The following TMOD1 variants were observed in gnomAD, a reference collection of about 807,000 sequenced individuals.
TMOD1 encodes the protein tropomodulin 1, also known as tropomodulin-1.
In TMOD1, 17 loss-of-function variants were observed where a neutral mutation model predicts 40.6. The ratio of observed to expected loss-of-function variants is 0.42; its 90% CI spans 0.29 to 0.63. TMOD1 has a LOEUF of 0.63. Among genes scored for constraint, TMOD1 ranks in the 20% least tolerant of loss-of-function variants. The pLI is 0.22. For synonymous variants in TMOD1, 181 were observed against 175.0 expected, an observed-to-expected ratio of 1.03 and a Z score of -0.27; for missense variants, 391 against 447.6, an observed-to-expected ratio of 0.87 and a Z score of 1.14.
intron 1 of TMOD1, among the ~76,000 whole-genome samples, chr9:97,515,023 G>A (rs1186585461): frequency 6.6e-6 from 1 of 152,040 alleles, no homozygotes; most frequent in Non-Finnish European, 1.5e-5. Context: ...TGTGGATCAC[G>A]GTATTAATAA....
At position 97,578,777 on chromosome 9, in the gene TMOD1, C is replaced by T. The variant is rs1047461656; in HGVS notation, c.870+9740C>T. ...ATGTTAAGGGGCTTTGTACTCTGCA[C>T]GAAGCATCAGCTTTGCAGAGGCAGT... On this transcript the variant is annotated intron_variant, in intron 8 of 9. Coordinates refer to ENST00000259365, the MANE Select transcript of TMOD1 (RefSeq NM_003275.4). 3.9e-5 allele frequency among the ~76,000 whole-genome samples: 6 copies of T among 152,192 alleles called. No individual in the cohort carries two copies. The East Asian group carries it at 9.6e-4, about 24-fold the overall frequency.
intron 8 of TMOD1, among the ~76,000 whole-genome samples, chr9:97,581,158 C>A (rs1338032378): frequency 2.5e-5 from 3 of 120,666 alleles, no homozygotes; most frequent in African/African-American, 9.5e-5. Context: ...CCCCACCCCA[C>A]AACAGTCCCC....
chr9:97,523,789 C>CTGGGGTG (rs1395639722), intron 1 of TMOD1, among the ~76,000 whole-genome samples: 1 of 152,122 alleles, frequency 6.6e-6, no homozygotes, highest in African/African-American at 2.4e-5. Flanking sequence ...ATGATTCCCT[C>CTGGGGTG]TGGGGTGTAG....
intron 3 of TMOD1, 94 bp from the exon 4 acceptor site, chr9:97,553,187 A>C (rs1830478859): frequency 6.4e-7 from 1 of 1,570,116 alleles, no homozygotes; most frequent in African/African-American, 1.4e-5. Flanking sequence ...GGAGGGACCC[A>C]CAGGGCTCTA....
intron 4 of TMOD1, among the ~76,000 whole-genome samples, chr9:97,554,601 A>T (rs1263139736): frequency 6.6e-6 from 1 of 152,146 alleles, no homozygotes; most frequent in African/African-American, 2.4e-5. Context: ...AATGTGGATC[A>T]GTTAGCCACA....
intron 8 of TMOD1, 117 bp downstream of exon 8, chr9:97,569,154 C>A: frequency 1.5e-6 from 2 of 1,338,776 alleles, no homozygotes; most frequent in South Asian, 2.9e-5. Context: ...CAGAGCCCAG[C>A]TTTGAGGGAC....
chr9:97,592,374 G>A (rs1826020340), intron 9 of TMOD1, among the ~76,000 whole-genome samples: 1 of 151,712 alleles, frequency 6.6e-6, no homozygotes, highest in African/African-American at 2.4e-5. Flanking sequence ...ACAGCAGGAA[G>A]CCAAGCCAAG....
chr9:97,509,199 C>T (rs1829652544), intron 1 of TMOD1, among the ~76,000 whole-genome samples: 1 of 152,200 alleles, frequency 6.6e-6, no homozygotes, highest in African/African-American at 2.4e-5. Context: ...TTTATTATGG[C>T]AGCCCTATAA....
At position 97,591,329 on chromosome 9, in the gene TMOD1, G is replaced by A. The variant is rs142059795; in HGVS notation, c.909G>A (p.Val303=). Reference sequence around the variant, plus strand: ...GCAACAAAGTGGAAATGGAGATTGTGAGCATGTTGGAAAAAAACGCAACAC... The same window carrying A: ...GCAACAAAGTGGAAATGGAGATTGTAAGCATGTTGGAAAAAAACGCAACAC... ...PLGNKVEMEI[V]SMLEKNATLL... is the part of the protein sequence containing the mutation. Residue 303 remains valine (V), a synonymous_variant, in exon 9 of 10, where the codon GTG becomes GTA. Transcript: ENST00000259365. 475 of 1,614,150 alleles carry A rather than the reference G, an allele frequency of 2.9e-4. 6 individuals carry two copies. In the East Asian group the frequency reaches 9.5e-3, roughly 32 times the overall value.
chr9:97,507,703 G>A (rs1474048659), intron 1 of TMOD1, among the ~76,000 whole-genome samples: 1 of 152,192 alleles, frequency 6.6e-6, no homozygotes, highest in Non-Finnish European at 1.5e-5. Flanking sequence ...CAGTGCCCTG[G>A]CTGAAGATGA....
upstream of TMOD1, chr9:97,501,361 C>A (rs1272117131): frequency 6.6e-6 from 1 of 152,236 alleles, no homozygotes; most frequent in Non-Finnish European, 1.5e-5. Flanking sequence ...CACAGGAATG[C>A]AAATCTGCCC....
At chr9:97,570,524 T>G (rs1303561077) in intron 8 of TMOD1, among the ~76,000 whole-genome samples, 1 of 146,626 alleles carries the variant, frequency 6.8e-6, no homozygotes, top group African/African-American at 2.5e-5. Context: ...GCATCAGGGC[T>G]TTTTTTTTTT....
chr9:97,508,364 T>G (rs1333721171), intron 1 of TMOD1, among the ~76,000 whole-genome samples: 2 of 151,918 alleles, frequency 1.3e-5, no homozygotes, highest in African/African-American at 4.8e-5. Flanking sequence ...AATTTTTGTA[T>G]TTTTTAGTAG....
At chr9:97,585,024 T>C (rs1038849320) in intron 8 of TMOD1, among the ~76,000 whole-genome samples, 11 of 152,284 alleles carry the variant, frequency 7.2e-5, no homozygotes, top group African/African-American at 2.4e-4. Context: ...AATATTGTTA[T>C]GTGTGAATTT....
At position 97,600,979 on chromosome 9, in the gene TMOD1, G is replaced by A. The variant is rs1291876648; in HGVS notation, c.*1281G>A. 8.3e-7 allele frequency: 1 copy of A among 1,204,276 alleles called. No individual in the cohort carries two copies. Among genetic ancestry groups the A allele is most frequent in the Non-Finnish European group, 1.1e-6 (1 of 937,166 alleles). The allele number at this position is 1,204,276 out of a possible 1,614,324, so 74.6% of individuals were successfully genotyped here. A position where few individuals can be genotyped will look rare whatever the true frequency, so the allele number is the denominator to read the frequency against. On this transcript the variant is annotated 3_prime_UTR_variant, in exon 10 of 10. Transcript: ENST00000259365. ...AGCAAATCTCATGATAAAGGACAAG[G>A]TCAAGAACTCCAGAGCACTGAGCAG...
intron 8 of TMOD1, among the ~76,000 whole-genome samples, chr9:97,585,793 G>A (rs1431996649): frequency 2.2e-4 from 30 of 137,622 alleles, no homozygotes; most frequent in Middle Eastern, 3.6e-3. Context: ...CCAGTTGATC[G>A]CATCGGCTCC....
At chr9:97,549,990 C>G (rs931604597) in intron 3 of TMOD1, among the ~76,000 whole-genome samples, 4 of 152,164 alleles carry the variant, frequency 2.6e-5, no homozygotes, top group Non-Finnish European at 5.9e-5. Context: ...CTATCAAGGC[C>G]CAAAACACTT....
chr9:97,595,899 C>A (rs1333802220), intron 9 of TMOD1, among the ~76,000 whole-genome samples: 2 of 151,868 alleles, frequency 1.3e-5, no homozygotes, highest in Non-Finnish European at 2.9e-5. Context: ...ATGGTGAAAC[C>A]CTGTCTCTAC....
intron 8 of TMOD1, among the ~76,000 whole-genome samples, chr9:97,579,256 A>G (rs1018681658): frequency 3.9e-5 from 6 of 152,086 alleles, no homozygotes; most frequent in Admixed American, 2.6e-4. Flanking sequence ...CGTCGCCTCT[A>G]TCCCTCCCAA....
Sources: gnomAD v4.1 joint callset for allele counts (sites outside exome capture counted in the v4.1 genomes callset) on GRCh38, gnomAD v4.1.1 for gene constraint, MANE v1.5 for transcripts, NCBI Gene and HGNC (gene_info 2026-07-23, HGNC 2026-07-21) for gene names.